RBFOX3: variants seen among roughly 807,000 people sequenced by gnomAD.
The protein encoded by RBFOX3 is RNA binding protein fox-1 homolog 3.
A neutral mutation model predicts 48.7 loss-of-function variants in RBFOX3; 17 were observed. The ratio of observed to expected loss-of-function variants is 0.35; its 90% CI spans 0.24 to 0.52. The LOEUF is 0.52. Among genes scored for constraint, RBFOX3 ranks in the 20% least tolerant of loss-of-function variants. RBFOX3 has a pLI of 0.94. For missense variants in RBFOX3, 382 were observed against 497.5 expected, an observed-to-expected ratio of 0.77 and a Z score of 2.21; for synonymous variants, 212 against 209.5, an observed-to-expected ratio of 1.01 and a Z score of -0.10.
At chr17:79,592,431 G>T (rs957118627) in intron 1 of RBFOX3, among the ~76,000 whole-genome samples, 7 of 151,676 alleles carry the variant, frequency 4.6e-5, no homozygotes, top group Admixed American at 4.6e-4. Flanking sequence ...CATGTGTGGT[G>T]CGTGCATATG....
rs1428660413 is a variant in RBFOX3 at position 79,589,777 on chromosome 17, G to A, written c.-320+21049C>T. Among the ~76,000 whole-genome samples, 8 of 152,154 alleles carry A rather than the reference G, an allele frequency of 5.3e-5. No individual in the cohort carries two copies. The East Asian group carries it at 5.8e-4, about 11-fold the overall frequency. On this transcript the variant is annotated intron_variant, in intron 1 of 14. Transcript: ENST00000693108. ...CCCCCATGTGGGTTTGGCCTGCATC[G>A]TCCCACCATGGGGGGTCTGTCCTTC...
intron 4 of RBFOX3, among the ~76,000 whole-genome samples, chr17:79,135,328 G>C (rs932610043): frequency 6.6e-6 from 1 of 152,198 alleles, no homozygotes; most frequent in Non-Finnish European, 1.5e-5. Flanking sequence ...GAAGGAGCCA[G>C]GCCACCTTAA....
At position 79,089,595 on chromosome 17, in the gene RBFOX3, AAGG is replaced by A. The variant is rs1363814925; in HGVS notation, c.*1285_*1287del. Reference sequence around the variant, plus strand: ...GGGGCTATGTACAACGGGAATAGAAAAGGAGAATTCCATTTCAATAGCTGATGC... The same window carrying A: ...GGGGCTATGTACAACGGGAATAGAAAAGAATTCCATTTCAATAGCTGATGC... On this transcript the variant is annotated 3_prime_UTR_variant, in exon 15 of 15. Coordinates refer to ENST00000693108, the MANE Select transcript of RBFOX3 (RefSeq NM_001350451.2). 6.6e-6 allele frequency: 1 copy of A among 152,604 alleles called. No individual in the cohort carries two copies. The highest frequency in any genetic ancestry group is 1.5e-5 in the Non-Finnish European group (1 of 68,080). The allele number at this position is 152,604 out of a possible 1,614,324, so 9.5% of individuals were successfully genotyped here. A position where few individuals can be genotyped will look rare whatever the true frequency, so the allele number is the denominator to read the frequency against.
intron 2 of RBFOX3, among the ~76,000 whole-genome samples, chr17:79,372,403 C>G (rs1188990523): frequency 6.8e-6 from 1 of 146,316 alleles, no homozygotes; most frequent in Non-Finnish European, 1.5e-5. Flanking sequence ...CCTATGGGCT[C>G]CCCCATCCTA....
In RBFOX3 at chr17:79,242,454, T is replaced by C. The variant is rs1241416311; in HGVS notation, c.-73-6649A>G. Among the ~76,000 whole-genome samples, 2 of 152,146 alleles carry C rather than the reference T, an allele frequency of 1.3e-5. No individual in the cohort carries two copies. Among genetic ancestry groups the C allele is most frequent in the African/African-American group, 4.8e-5 (2 of 41,416 alleles). ...TGGGTGGCTTAAACCTGGCTTGTGATGACGGTGATCAGAGCAGGAGAGCCA... is the reference window on the plus strand; with the variant it reads ...TGGGTGGCTTAAACCTGGCTTGTGACGACGGTGATCAGAGCAGGAGAGCCA... On this transcript the variant is annotated intron_variant, in intron 3 of 14. Transcript: ENST00000693108. This position sits in a 1 kb window ranked among gnomAD's most constrained non-coding sequence, Gnocchi z 5.8.
chr17:79,660,045 G>C, the RBFOX3 span, among the ~76,000 whole-genome samples: 1 of 152,050 alleles, frequency 6.6e-6, no homozygotes, highest in South Asian at 2.1e-4. Flanking sequence ...AAATGAACAG[G>C]GCATGGTGGC....
At chr17:79,519,523 A>G (rs2037049) in intron 1 of RBFOX3, among the ~76,000 whole-genome samples, 135,384 of 151,726 alleles carry the variant, frequency 0.89, 60,672 homozygotes, top group Non-Finnish European at 0.92. Context: ...CTCCCCACCC[A>G]TCCCCTCCCC....
intron 2 of RBFOX3, among the ~76,000 whole-genome samples, chr17:79,456,997 A>G (rs1163207195): frequency 6.6e-6 from 1 of 152,242 alleles, no homozygotes; most frequent in Non-Finnish European, 1.5e-5. Context: ...TTATAGGCAG[A>G]GGTACAGGCA....
intron 4 of RBFOX3, among the ~76,000 whole-genome samples, chr17:79,192,325 G>C (rs151276531): frequency 1.3e-5 from 2 of 152,134 alleles, no homozygotes; most frequent in Non-Finnish European, 2.9e-5. Flanking sequence ...GGGGGGAGCC[G>C]TCTGTTCCTG....
intron 4 of RBFOX3, among the ~76,000 whole-genome samples, chr17:79,173,388 C>A (rs558270174): frequency 9.2e-5 from 14 of 152,320 alleles, no homozygotes; most frequent in African/African-American, 3.4e-4. Flanking sequence ...ACAGCTCATG[C>A]TAAAGGCATT....
intron 4 of RBFOX3, among the ~76,000 whole-genome samples, chr17:79,120,500 T>G (rs1051095529): frequency 6.7e-6 from 1 of 150,136 alleles, no homozygotes; most frequent in East Asian, 2.0e-4. Context: ...GGTGGATGGC[T>G]GAATGAATGA....
intron 4 of RBFOX3, among the ~76,000 whole-genome samples, chr17:79,197,707 T>C (rs2055932529): frequency 6.6e-6 from 1 of 152,064 alleles, no homozygotes; most frequent in South Asian, 2.1e-4. Flanking sequence ...AAAACAGATA[T>C]TTCTTTCTAC....
At chr17:79,626,239 G>A in the RBFOX3 span, among the ~76,000 whole-genome samples, 4 of 152,088 alleles carry the variant, frequency 2.6e-5, no homozygotes, top group African/African-American at 9.7e-5. Flanking sequence ...CCAAAAGTTA[G>A]CATCTTCTAG....
At chr17:79,321,679 T>C (rs1232309540) in intron 2 of RBFOX3, among the ~76,000 whole-genome samples, 2 of 149,838 alleles carry the variant, frequency 1.3e-5, no homozygotes, top group Non-Finnish European at 3.0e-5. Flanking sequence ...GAGCTGGAAT[T>C]GCGAGCCGGG....
chr17:79,449,163 C>T (rs371126865), intron 2 of RBFOX3, among the ~76,000 whole-genome samples: 6 of 152,072 alleles, frequency 3.9e-5, no homozygotes, highest in East Asian at 3.9e-4. Context: ...CTGAGAGGTT[C>T]GGGTAGGAGG....
intron 1 of RBFOX3, among the ~76,000 whole-genome samples, chr17:79,484,400 C>A (rs1324710176): frequency 2.0e-5 from 3 of 152,086 alleles, no homozygotes; most frequent in Non-Finnish European, 2.9e-5. Context: ...TCTTCAATGG[C>A]AAAAGTGTAA....
intron 2 of RBFOX3, among the ~76,000 whole-genome samples, chr17:79,358,466 T>C (rs1326001088): frequency 1.3e-5 from 2 of 152,124 alleles, no homozygotes; most frequent in Non-Finnish European, 2.9e-5. Flanking sequence ...TTTTCTTTCT[T>C]TTTCTCTTTT....
chr17:79,505,372 C>T (rs1191317212), intron 1 of RBFOX3, among the ~76,000 whole-genome samples: 1 of 152,108 alleles, frequency 6.6e-6, no homozygotes, highest in Non-Finnish European at 1.5e-5. Flanking sequence ...GTATAAATAC[C>T]CCAGCTCCCT....
intron 1 of RBFOX3, among the ~76,000 whole-genome samples, chr17:79,514,764 T>C (rs2085006038): frequency 6.6e-6 from 1 of 152,074 alleles, no homozygotes; most frequent in Non-Finnish European, 1.5e-5. Context: ...CCCTGGAGCA[T>C]TTCTATTTGG....
Sources: gnomAD v4.1 joint callset for allele counts (sites outside exome capture counted in the v4.1 genomes callset) on GRCh38, gnomAD v4.1.1 for gene constraint, Gnocchi (gnomAD v3.1) non-coding constraint, MANE v1.5 for transcripts, NCBI Gene and HGNC (gene_info 2026-07-23, HGNC 2026-07-21) for gene names.